The following SLC12A6 variants were observed in gnomAD, a reference collection of about 807,000 sequenced individuals.
SLC12A6 encodes solute carrier family 12 member 6, also known as K-Cl cotransporter 3.
In SLC12A6, 66 loss-of-function variants were observed where a neutral mutation model predicts 135.3. The ratio of observed to expected loss-of-function variants is 0.49; its 90% CI spans 0.40 to 0.60. The LOEUF is 0.60. SLC12A6 is among the 20% of genes least tolerant of loss of function. SLC12A6 has a pLI of 0.00. For synonymous variants in SLC12A6, 513 were observed against 508.8 expected (o/e 1.01, Z -0.11); for missense variants, 1,058 against 1,452.3 (o/e 0.73, Z 4.41).
At chr15:34,314,826 T>TAAAAAAAA (rs566307709) in intron 2 of SLC12A6, 2 of 136,042 alleles carry the variant, frequency 1.5e-5, no homozygotes, top group Non-Finnish European at 3.2e-5. Context: ...TGACCAGCCT[T>TAAAAAAAA]AAAAAAAAAA....
chr15:34,329,469 C>T (rs1033218400), intron 2 of SLC12A6, among the ~76,000 whole-genome samples: 3 of 152,058 alleles, frequency 2.0e-5, no homozygotes, highest in Non-Finnish European at 4.4e-5. Context: ...TGCAGGAGTA[C>T]CTTCTTTCAT....
chr15:34,265,524 G>A (rs1359993760), intron 3 of SLC12A6, among the ~76,000 whole-genome samples: 1 of 152,180 alleles, frequency 6.6e-6, no homozygotes, highest in Non-Finnish European at 1.5e-5. Flanking sequence ...TGACTAGGGA[G>A]GGGAATGACG....
intron 3 of SLC12A6, among the ~76,000 whole-genome samples, chr15:34,264,994 A>C (rs1165935888): frequency 6.6e-6 from 1 of 152,174 alleles, no homozygotes; most frequent in Non-Finnish European, 1.5e-5. Context: ...CAGGAGATTG[A>C]GACCATCCTG....
At chr15:34,248,992 G>A (rs568562375) in intron 13 of SLC12A6, among the ~76,000 whole-genome samples, 6 of 152,160 alleles carry the variant, frequency 3.9e-5, no homozygotes, top group Admixed American at 6.5e-5. Flanking sequence ...GGGAATGGCA[G>A]GAGATAACAG....
In SLC12A6 at chr15:34,240,706, C is replaced by T; in HGVS notation, c.2391G>A (p.Val797=). 1 of 1,614,090 alleles carries T rather than the reference C, an allele frequency of 6.2e-7. No homozygotes were observed. Among genetic ancestry groups the T allele is most frequent in the Non-Finnish European group, 8.5e-7 (1 of 1,179,962 alleles). Residue 797 remains valine, a synonymous_variant, in exon 19 of 26, where the codon GTG becomes GTA. Coordinates refer to ENST00000354181, the MANE Select transcript of SLC12A6 (RefSeq NM_001365088.1). ...KGLTIVGSVI[V]GNFLENYGEA... is the part of the protein sequence containing the mutation. ...CACCGTAGTTCTCTAGGAAGTTCCC[C>T]ACGATGACAGAGCCCACAATAGTGA... is the stretch of plus-strand genomic sequence containing the variant.
At chr15:34,332,576 G>A (rs2141191743) in intron 2 of SLC12A6, among the ~76,000 whole-genome samples, 1 of 152,208 alleles carries the variant, frequency 6.6e-6, no homozygotes, top group Middle Eastern at 3.4e-3. Flanking sequence ...TTGAGGTCAG[G>A]AGTTTGAGAC....
At chr15:34,263,862 G>T (rs75957585) in intron 3 of SLC12A6, among the ~76,000 whole-genome samples, 4,159 of 151,896 alleles carry the variant, frequency 0.027, 194 homozygotes, top group African/African-American at 0.095. Context: ...GCCCCAAAAT[G>T]GAATAATACA....
intron 13 of SLC12A6, among the ~76,000 whole-genome samples, chr15:34,246,822 A>C (rs1885835549): frequency 6.6e-6 from 1 of 152,010 alleles, no homozygotes. Flanking sequence ...AATCTTTTAC[A>C]AAAGTTTCTG....
At chr15:34,306,375 G>A (rs1896615012) in intron 2 of SLC12A6, among the ~76,000 whole-genome samples, 1 of 152,184 alleles carries the variant, frequency 6.6e-6, no homozygotes, top group Non-Finnish European at 1.5e-5. Context: ...CAGACCCATG[G>A]CTCTTTCCTT....
chr15:34,333,028 T>A (rs1889959217), intron 2 of SLC12A6, among the ~76,000 whole-genome samples: 1 of 152,054 alleles, frequency 6.6e-6, no homozygotes, highest in African/African-American at 2.4e-5. Flanking sequence ...TTGTTATTTT[T>A]TTAGTCTAAT....
At chr15:34,234,679 CTTCT>C (rs764568275) in intron 25 of SLC12A6, among the ~76,000 whole-genome samples, 3 of 152,180 alleles carry the variant, frequency 2.0e-5, no homozygotes, top group Non-Finnish European at 2.9e-5. Context: ...GCCTAAACCT[CTTCT>C]TTCTTAATGG....
At chr15:34,269,225 T>C (rs1893739636) in intron 3 of SLC12A6, among the ~76,000 whole-genome samples, 3 of 152,216 alleles carry the variant, frequency 2.0e-5, no homozygotes, top group Admixed American at 1.3e-4. Flanking sequence ...AACTTACTGG[T>C]GTTTCACTGC....
Position 34,292,781 on chromosome 15 carries a change from G to A in SLC12A6, c.272-17392C>T, listed in dbSNP as rs114565035. 6.0e-3 allele frequency among the ~76,000 whole-genome samples: 917 copies of A among 152,322 alleles called. 6 individuals carry two copies. Among genetic ancestry groups the A allele is most frequent in the African/African-American group, 0.021 (883 of 41,572 alleles). On this transcript the variant is annotated intron_variant, in intron 2 of 25. Coordinates refer to ENST00000354181, the MANE Select transcript of SLC12A6 (RefSeq NM_001365088.1). ...AGGTCAATCTCAGACTGCTGTGCTA[G>A]CAGCTAGCAAGGCTCCGTGGGTGTG... is the stretch of plus-strand genomic sequence containing the variant.
intron 2 of SLC12A6, among the ~76,000 whole-genome samples, chr15:34,284,277 C>CT (rs71415558): frequency 0.24 from 22,491 of 92,152 alleles, 3,517 homozygotes; most frequent in South Asian, 0.32. Flanking sequence ...TGTTTCTTTT[C>CT]TTTTTTTTTT....
rs747885824 is a variant in SLC12A6 at position 34,236,071 on chromosome 15, G to C, written c.3171C>G (p.Ser1057=). 7 of 1,613,926 alleles carry C rather than the reference G, an allele frequency of 4.3e-6. No homozygotes were observed. The highest frequency in any genetic ancestry group is 5.1e-6 in the Non-Finnish European group (6 of 1,179,936). The change falls in exon 24 of 26, where the codon TCC becomes TCG. Residue 1057 remains serine, a synonymous_variant. Coordinates refer to ENST00000354181, the MANE Select transcript of SLC12A6 (RefSeq NM_001365088.1). ...CCATTGACTTCGCTTTTTGTCCCCG[G>C]GATGCCATGTACTTGTCTTTTGTCC... is the stretch of plus-strand genomic sequence containing the variant. ...MTWTKDKYMA[S]RGQKAKSMEG...
chr15:34,234,622 T>G (rs1413408243), intron 25 of SLC12A6, among the ~76,000 whole-genome samples: 1 of 152,166 alleles, frequency 6.6e-6, no homozygotes, highest in African/African-American at 2.4e-5. Context: ...TCCACCTGCC[T>G]TAGCCTCCCA....
chr15:34,318,666 T>C (rs143903247), intron 2 of SLC12A6: 39 of 1,613,548 alleles, frequency 2.4e-5, no homozygotes, highest in Admixed American at 2.0e-4. Context: ...TTAGTCACAG[T>C]AAAATGTGGC....
intron 2 of SLC12A6, among the ~76,000 whole-genome samples, chr15:34,293,828 T>C (rs2140982232): frequency 6.6e-6 from 1 of 152,298 alleles, no homozygotes; most frequent in African/African-American, 2.4e-5. Context: ...GGCCACAAAC[T>C]CCTGTTCTCA....
At chr15:34,271,602 T>TACACACAC (rs10588100) in intron 3 of SLC12A6, among the ~76,000 whole-genome samples, 6,116 of 148,848 alleles carry the variant, frequency 0.041, 329 homozygotes, top group African/African-American at 0.13. Flanking sequence ...AGTGCAAAGC[T>TACACACAC]ACACACACAC....
Sources: allele counts gnomAD v4.1 joint callset (sites outside exome capture counted in the v4.1 genomes callset), GRCh38; gene constraint gnomAD v4.1.1; transcripts MANE v1.5; gene names NCBI Gene and HGNC (gene_info 2026-07-23, HGNC 2026-07-21).